The following GRID2IP variants were observed in gnomAD, a reference collection of about 807,000 sequenced individuals.
GRID2IP encodes Grid2 interacting protein.
A neutral mutation model predicts 114.3 loss-of-function variants in GRID2IP; 78 were observed. The observed-to-expected ratio is 0.68, with a 90% CI of 0.57 to 0.82. The LOEUF is 0.82. GRID2IP is among the 40% of genes least tolerant of loss of function. The pLI, the probability that GRID2IP is intolerant of heterozygous loss-of-function variation, is 0.00. For synonymous variants in GRID2IP, 809 were observed against 724.0 expected, an observed-to-expected ratio of 1.12 and a Z score of -1.89; for missense variants, 1,727 against 1,678.5, an observed-to-expected ratio of 1.03 and a Z score of -0.51.
intron 2 of GRID2IP, among the ~76,000 whole-genome samples, chr7:6,533,213 A>G (rs1036091162): frequency 3.9e-5 from 6 of 152,154 alleles, no homozygotes; most frequent in Admixed American, 3.9e-4. Context: ...CAACACAGAA[A>G]TATCAGCTCC....
At position 6,509,107 on chromosome 7, in the gene GRID2IP, G is replaced by A. The variant is rs955552319; in HGVS notation, c.1978C>T (p.Arg660Cys). 1.7e-5 allele frequency: 25 copies of A among 1,480,368 alleles called. No homozygotes were observed. In the African/African-American group the frequency reaches 2.2e-4, roughly 13 times the overall value. 91.7% of individuals were successfully genotyped at this position (1,480,368 alleles called of 1,614,324 possible). A position where few individuals can be genotyped will look rare whatever the true frequency, so the allele number is the denominator to read the frequency against. The change falls in exon 12 of 22, where the codon CGC becomes TGC. Residue 660 changes from arginine to cysteine, a missense_variant. By Grantham distance (180) the Arg-to-Cys change is radical (BLOSUM62 -3). Transcript: ENST00000457091. This position sits in a 1 kb window ranked among gnomAD's most constrained non-coding sequence, Gnocchi z 4.9. ...AAGAGCTTCCTGCGGCTGGGCGGGC[G>A]GGTGGGGTCCGGGCTTGGGGGGCTG... ...PDSPPSPDPT[R>C]PPSRRKLFTF...
chr7:6,510,308 T>C lies in GRID2IP; in HGVS notation c.1746A>G (p.Pro582=). The C allele has an allele frequency of 1.3e-6, 2 of 1,546,940 alleles. No individual in the cohort carries two copies. ...GTVSKSRASP[P]GPSPAVTTGP... is the part of the protein sequence containing the mutation. ...CTGTGGTGACTGCTGGGCTGGGGCC[T>C]GGAGGGGAAGCCCGGGATTTGGACA... The change falls in exon 11 of 22, where the codon CCA becomes CCG. Residue 582 remains proline (P), a synonymous_variant. Transcript: ENST00000457091.
chr7:6,507,252 G>C lies in GRID2IP; in HGVS notation c.2544+733C>G, dbSNP rs943989955. On this transcript the variant is annotated intron_variant, in intron 13 of 21. Transcript: ENST00000457091. This position sits in a 1 kb window ranked among gnomAD's most constrained non-coding sequence, Gnocchi z 5.3. ...GGAGTATGATGTCCCAGTCAAAGGA[G>C]CTGAGAACCCTGTTCTCTCCTCTGA... 6.6e-6 allele frequency among the ~76,000 whole-genome samples: 1 copy of C among 152,222 alleles called. No homozygotes were observed. The highest frequency in any genetic ancestry group is 2.4e-5 in the African/African-American group (1 of 41,462).
At chr7:6,542,074 G>A (rs188303338) in intron 1 of GRID2IP, among the ~76,000 whole-genome samples, 5,389 of 152,150 alleles carry the variant, frequency 0.035, 130 homozygotes, top group Non-Finnish European at 0.053. Flanking sequence ...GGCCAAGGGG[G>A]GCGGATCATC....
intron 1 of GRID2IP, among the ~76,000 whole-genome samples, chr7:6,544,365 T>G (rs1178809123): frequency 6.6e-6 from 1 of 151,872 alleles, no homozygotes; most frequent in Non-Finnish European, 1.5e-5. Context: ...TTGCAACCTC[T>G]GCCTCCCGGG....
At chr7:6,503,393 C>T in intron 16 of GRID2IP, 98 bp downstream of exon 16, 3 of 1,231,898 alleles carry the variant, frequency 2.4e-6, no homozygotes, top group Non-Finnish European at 3.2e-6. Flanking sequence ...GGCGCAATGG[C>T]GGCCCCCGAA....
chr7:6,538,646 G>C (rs1198247884), intron 2 of GRID2IP, among the ~76,000 whole-genome samples: 2 of 152,172 alleles, frequency 1.3e-5, no homozygotes, highest in Non-Finnish European at 2.9e-5. Flanking sequence ...GGGAGGCCGA[G>C]GTGGGTGGAT....
In GRID2IP at chr7:6,510,892, CT is replaced by C. The variant is rs1463714240; in HGVS notation, c.1555+15del. The C allele has an allele frequency of 1.9e-6, 3 of 1,549,752 alleles. No homozygotes were observed. The highest frequency in any genetic ancestry group is 8.7e-7 in the Non-Finnish European group (1 of 1,145,986). Reference sequence around the variant, plus strand: ...ACTGAGCTCCATTCATACCCTCCCCCTGACACCAGCCTTACCGCAGCTGAGG... The same window carrying C: ...ACTGAGCTCCATTCATACCCTCCCCCGACACCAGCCTTACCGCAGCTGAGG... On this transcript the variant is annotated intron_variant, in intron 9 of 21. Coordinates refer to ENST00000457091, the MANE Select transcript of GRID2IP (RefSeq NM_001145118.2).
At position 6,505,876 on chromosome 7, in the gene GRID2IP, C is replaced by T; in HGVS notation, c.2576G>A (p.Ser859Asn). The change falls in exon 14 of 22, where the codon AGT becomes AAT. Residue 859 changes from serine (S) to asparagine (N), a missense_variant. Physicochemically the swap from Ser to Asn is conservative, Grantham distance 46 (BLOSUM62 1). Transcript: ENST00000457091. ...CAGGTCGAGGTATTTCACCATGTCA[C>T]TCAGCTTATCGTAGTCAGAGTCTTC... ...LGEDSDYDKL[S>N]DMVKYLDLEL... 6.4e-7 allele frequency: 1 copy of T among 1,552,106 alleles called. No individual in the cohort carries two copies. Among genetic ancestry groups the T allele is most frequent in the Non-Finnish European group, 8.7e-7 (1 of 1,147,028 alleles).
At position 6,497,187 on chromosome 7, in the gene GRID2IP, C is replaced by A. The variant is rs756875623; in HGVS notation, c.*587G>T. ...TTGTCCACTGCATGAAACCTCAATT[C>A]CGCAGTCTGACATAGGGGGTCTTCC... On this transcript the variant is annotated 3_prime_UTR_variant, in exon 22 of 22. Coordinates refer to ENST00000457091, the MANE Select transcript of GRID2IP (RefSeq NM_001145118.2). 1.1e-4 allele frequency among the ~76,000 whole-genome samples: 16 copies of A among 152,258 alleles called. No homozygotes were observed. The highest frequency in any genetic ancestry group is 7.2e-5 in the African/African-American group (3 of 41,472).
chr7:6,547,246 G>A (rs932281935), intron 1 of GRID2IP, among the ~76,000 whole-genome samples: 5 of 152,276 alleles, frequency 3.3e-5, no homozygotes, highest in Admixed American at 2.6e-4. Context: ...AACGCACTAA[G>A]TTGTTGATTT....
rs1289876613 is a variant in GRID2IP at position 6,523,171 on chromosome 7, TAAATA to T, written c.920-1219_920-1215del. ...GAAAGTAGGGAAAATGATCAATGGC[TAAATA>T]AAATATACTCTCAGATTGCGAGAAG... On this transcript the variant is annotated intron_variant, in intron 4 of 21. Transcript: ENST00000457091. The surrounding 1 kb of genome is among the most constrained non-coding windows in gnomAD (Gnocchi z 4.5). Among the ~76,000 whole-genome samples the T allele has an allele frequency of 1.3e-5, 2 of 152,120 alleles. No individual in the cohort carries two copies. Among genetic ancestry groups the T allele is most frequent in the Non-Finnish European group, 2.9e-5 (2 of 68,036 alleles).
In GRID2IP at chr7:6,551,450, G is replaced by T; in HGVS notation, c.-14C>A. ...AGTGGTGGCCATGCACCTAGAACTG[G>T]AGACAGAACAGGGATTTCCTTGCTG... On this transcript the variant is annotated 5_prime_UTR_variant, in exon 1 of 22. Coordinates refer to ENST00000457091, the MANE Select transcript of GRID2IP (RefSeq NM_001145118.2). The T allele has an allele frequency of 6.5e-7, 1 of 1,537,482 alleles. No homozygotes were observed. The highest frequency in any genetic ancestry group is 8.8e-7 in the Non-Finnish European group (1 of 1,140,842).
At chr7:6,538,310 G>A (rs1162039805) in intron 2 of GRID2IP, among the ~76,000 whole-genome samples, 1 of 152,114 alleles carries the variant, frequency 6.6e-6, no homozygotes, top group Non-Finnish European at 1.5e-5. Flanking sequence ...AGGCTGCAGT[G>A]AGCCAAGATC....
At position 6,503,605 on chromosome 7, in the gene GRID2IP, G is replaced by C. The variant is rs751559760; in HGVS notation, c.2793C>G (p.Pro931=). 39 of 1,529,250 alleles carry C rather than the reference G, an allele frequency of 2.6e-5. No homozygotes were observed. Among genetic ancestry groups the C allele is most frequent in the Middle Eastern group, 3.6e-4 (2 of 5,484 alleles). 94.7% of individuals were successfully genotyped at this position (1,529,250 alleles called of 1,614,324 possible). ...AGAGCAGCAGCTGCGCGAGATGTGC[G>C]GGCTCCAGGCGCCGGGGCTCCATGC... ...LMSMEPRRLE[P]AHLAQLLLFA... The change falls in exon 16 of 22, where the codon CCC becomes CCG. Residue 931 remains proline (P), a synonymous_variant. Coordinates refer to ENST00000457091, the MANE Select transcript of GRID2IP (RefSeq NM_001145118.2).
Position 6,529,732 on chromosome 7 carries a change from C to G in GRID2IP, c.585-2963G>C, listed in dbSNP as rs79629125. Among the ~76,000 whole-genome samples, 1,409 of 152,260 alleles carry G rather than the reference C, an allele frequency of 9.3e-3. 12 individuals are homozygous for G. The highest frequency in any genetic ancestry group is 0.014 in the Non-Finnish European group (969 of 68,018). On this transcript the variant is annotated intron_variant, in intron 2 of 21. Coordinates refer to ENST00000457091, the MANE Select transcript of GRID2IP (RefSeq NM_001145118.2). ...ACTATTACCACCAGTCACTATCCCC[C>G]CTGAGTGGCAGTCCAGCAATCACTG...
Position 6,532,827 on chromosome 7 carries a change from C to T in GRID2IP, c.585-6058G>A, listed in dbSNP as rs1056218843. 6.6e-5 allele frequency among the ~76,000 whole-genome samples: 10 copies of T among 152,202 alleles called. No homozygotes were observed. The highest frequency in any genetic ancestry group is 1.3e-4 in the Non-Finnish European group (9 of 68,042). ...ACAGGAGATGCAACCAGGGAGCAGA[C>T]GCCCAGGGTCAAATCCAGGCACGCT... On this transcript the variant is annotated intron_variant, in intron 2 of 21. Transcript: ENST00000457091. The surrounding 1 kb of genome is among the most constrained non-coding windows in gnomAD (Gnocchi z 4.4).
rs1583346858 is a variant in GRID2IP at position 6,526,456 on chromosome 7, G to A, written c.833+65C>T. 1 of 1,468,100 alleles carries A rather than the reference G, an allele frequency of 6.8e-7. No homozygotes were observed. The highest frequency in any genetic ancestry group is 9.0e-7 in the Non-Finnish European group (1 of 1,107,998). The allele number at this position is 1,468,100 out of a possible 1,614,324, so 90.9% of individuals were successfully genotyped here. ...AGCCCCGCCCCTACGCCCTCTCCCC[G>A]GGTCTCGGTCCCGAGCCCACCCGCA... is the stretch of plus-strand genomic sequence containing the variant. On this transcript the variant is annotated intron_variant, in intron 3 of 21. Coordinates refer to ENST00000457091, the MANE Select transcript of GRID2IP (RefSeq NM_001145118.2). The surrounding 1 kb of genome is among the most constrained non-coding windows in gnomAD (Gnocchi z 7.6).
rs1432234403 is a variant in GRID2IP, at chr7:6,526,240, G to A, written c.903C>T (p.Ile301=). ...ACCCCTCACCAGGCAGGACAGACTC[G>A]ATCCAGACAGGCCCGTGGCCGCGAA... The part of the protein sequence containing the change: ...FTLRGHGPVW[I]ESVLPGSPAD... Residue 301 remains isoleucine, a synonymous_variant, in exon 4 of 22, where the codon ATC becomes ATT. Coordinates refer to ENST00000457091, the MANE Select transcript of GRID2IP (RefSeq NM_001145118.2). The surrounding 1 kb of genome is among the most constrained non-coding windows in gnomAD (Gnocchi z 7.6). 6 of 1,551,740 alleles carry A rather than the reference G, an allele frequency of 3.9e-6. No homozygotes were observed. The highest frequency in any genetic ancestry group is 5.2e-6 in the Non-Finnish European group (6 of 1,146,992).
Sources: allele counts gnomAD v4.1 joint callset (sites outside exome capture counted in the v4.1 genomes callset), GRCh38; gene constraint gnomAD v4.1.1; non-coding constraint Gnocchi (gnomAD v3.1); transcripts MANE v1.5; gene names NCBI Gene and HGNC (gene_info 2026-07-23, HGNC 2026-07-21).